The following NXPE2 variants were observed in gnomAD, a reference collection of about 807,000 sequenced individuals.
NXPE2 encodes NXPE family member 2.
In NXPE2, 34 loss-of-function variants were observed where a neutral mutation model predicts 34.4. The observed-to-expected ratio is 0.99, with a 90% CI of 0.75 to 1.31. NXPE2 has a LOEUF of 1.31. Ranked by LOEUF, NXPE2 falls within the 40% of genes most tolerant of loss-of-function variation. The pLI is 0.00. For missense variants in NXPE2, 649 were observed against 672.5 expected, an observed-to-expected ratio of 0.97 and a Z score of 0.39; for synonymous variants, 235 against 231.3, an observed-to-expected ratio of 1.02 and a Z score of -0.15.
At chr11:114,557,502 G>A in the NXPE2 span, among the ~76,000 whole-genome samples, 1 of 151,066 alleles carries the variant, frequency 6.6e-6, no homozygotes, top group Non-Finnish European at 1.5e-5. Flanking sequence ...TGCTGCCTAG[G>A]TTGGACTGGA....
At chr11:114,533,293 C>T in the NXPE2 span, among the ~76,000 whole-genome samples, 2 of 152,252 alleles carry the variant, frequency 1.3e-5, no homozygotes, top group Non-Finnish European at 2.9e-5. Flanking sequence ...ATAGACAATA[C>T]ATTCGAGCGG....
At chr11:114,484,587 G>A in the NXPE2 span, among the ~76,000 whole-genome samples, 2 of 152,038 alleles carry the variant, frequency 1.3e-5, no homozygotes, top group African/African-American at 4.8e-5. Context: ...ATATATGAAG[G>A]GATATTAGAA....
intron 1 of NXPE2, among the ~76,000 whole-genome samples, chr11:114,679,059 C>T (rs1163384455): frequency 1.3e-5 from 2 of 151,866 alleles, no homozygotes; most frequent in Non-Finnish European, 2.9e-5. Context: ...GAAATTCTAA[C>T]CACTCAACAC....
the NXPE2 span, among the ~76,000 whole-genome samples, chr11:114,538,008 C>A: frequency 1.4e-4 from 21 of 151,914 alleles, no homozygotes; most frequent in African/African-American, 3.1e-4. Context: ...TGGAGGCATC[C>A]CGCTACCTGA....
At chr11:114,465,159 C>T in the NXPE2 span, among the ~76,000 whole-genome samples, 1 of 152,094 alleles carries the variant, frequency 6.6e-6, no homozygotes, top group Non-Finnish European at 1.5e-5. Context: ...ATCCTAAGAT[C>T]CAGTGGTTCT....
intron 4 of NXPE2, 96 bp downstream of exon 4, chr11:114,704,148 C>T: frequency 3.4e-6 from 3 of 877,298 alleles, no homozygotes; most frequent in Non-Finnish European, 5.3e-6. Context: ...ACGATTTGAT[C>T]TCTCATTTCC....
chr11:114,634,519 T>C, the NXPE2 span, among the ~76,000 whole-genome samples: 1 of 152,098 alleles, frequency 6.6e-6, no homozygotes, highest in Non-Finnish European at 1.5e-5. Context: ...TTTGGTGTTT[T>C]AGACATGAAG....
At chr11:114,490,928 C>T in the NXPE2 span, among the ~76,000 whole-genome samples, 235 of 150,238 alleles carry the variant, frequency 1.6e-3, no homozygotes, top group African/African-American at 5.2e-3. Context: ...TTTGGGAGGC[C>T]GAGGCGGGTG....
the NXPE2 span, among the ~76,000 whole-genome samples, chr11:114,786,961 A>G: frequency 6.6e-6 from 1 of 152,120 alleles, no homozygotes; most frequent in Non-Finnish European, 1.5e-5. Context: ...TGGTCTGGTG[A>G]GACTGCACTG....
chr11:114,774,941 G>A, the NXPE2 span, among the ~76,000 whole-genome samples: 1 of 152,316 alleles, frequency 6.6e-6, no homozygotes, highest in African/African-American at 2.4e-5. Flanking sequence ...TGAAATCTTT[G>A]CCTTGATATG....
In NXPE2 at chr11:114,698,372, A is replaced by ATGTAC; in HGVS notation, c.462_466dup (p.Ser156CysfsTer6). 2 of 1,614,050 alleles carry ATGTAC rather than the reference A, an allele frequency of 1.2e-6. No homozygotes were observed. The highest frequency in any genetic ancestry group is 1.7e-6 in the Non-Finnish European group (2 of 1,179,970). On this transcript the variant is annotated frameshift_variant, in exon 3 of 6. Coordinates refer to ENST00000389586, the MANE Select transcript of NXPE2 (RefSeq NM_182495.6). LOFTEE classifies it high-confidence loss of function. ...TGGTGGGGATTTCCTGAGGGCCAGG[A>ATGTAC]TGTACTCCACAGCACTAATGGCAGG...
At chr11:114,613,486 G>A in the NXPE2 span, among the ~76,000 whole-genome samples, 2 of 151,936 alleles carry the variant, frequency 1.3e-5, no homozygotes, top group South Asian at 4.1e-4. Context: ...TGCCTCGTGG[G>A]TAACCACTAT....
At chr11:114,547,827 T>A in the NXPE2 span, among the ~76,000 whole-genome samples, 1 of 152,114 alleles carries the variant, frequency 6.6e-6, no homozygotes. Flanking sequence ...ATCTGAATAA[T>A]ATATGGACTT....
chr11:114,599,883 G>C, the NXPE2 span, among the ~76,000 whole-genome samples: 1 of 151,440 alleles, frequency 6.6e-6, no homozygotes, highest in Admixed American at 6.6e-5. Context: ...ATTTGGGCAG[G>C]GACACAGATC....
chr11:114,491,156 G>A, the NXPE2 span, among the ~76,000 whole-genome samples: 1 of 37,608 alleles, frequency 2.7e-5, no homozygotes, highest in East Asian at 1.0e-3. Flanking sequence ...GCGACAGAGC[G>A]AGACTCCGTC....
the NXPE2 span, among the ~76,000 whole-genome samples, chr11:114,765,417 ATTT>A: frequency 1.3e-5 from 2 of 152,178 alleles, no homozygotes; most frequent in Non-Finnish European, 2.9e-5. Flanking sequence ...GCAATGAAGT[ATTT>A]TTCAACTAAG....
the NXPE2 span, among the ~76,000 whole-genome samples, chr11:114,762,581 A>C: frequency 7.2e-5 from 11 of 152,238 alleles, no homozygotes; most frequent in African/African-American, 2.6e-4. Flanking sequence ...AAGGAAAGGG[A>C]CTTCAGCACT....
the NXPE2 span, among the ~76,000 whole-genome samples, chr11:114,736,815 G>T: frequency 0.011 from 1,682 of 152,276 alleles, 22 homozygotes; most frequent in African/African-American, 0.037. Flanking sequence ...TTAATTTGGG[G>T]AACTAATAAA....
At chr11:114,563,590 T>C in the NXPE2 span, among the ~76,000 whole-genome samples, 1 of 151,960 alleles carries the variant, frequency 6.6e-6, no homozygotes, top group Non-Finnish European at 1.5e-5. Flanking sequence ...AGGACTAATA[T>C]CCAGAATCTA....
Sources: gnomAD v4.1 joint callset for allele counts (sites outside exome capture counted in the v4.1 genomes callset) on GRCh38, gnomAD v4.1.1 for gene constraint, MANE v1.5 for transcripts, NCBI Gene and HGNC (gene_info 2026-07-23, HGNC 2026-07-21) for gene names.